Variants in EFL1 observed in about 807,000 individuals in gnomAD.
EFL1 encodes the protein elongation factor-like GTPase 1.
Under a neutral mutation model 126.7 loss-of-function variants are expected in EFL1, and 76 were observed. That is an observed-to-expected ratio of 0.60 (90% CI 0.50 to 0.73). The LOEUF is 0.73. Ranked by LOEUF, EFL1 falls within the 30% of genes least tolerant of loss-of-function variation. EFL1 has a pLI of 0.00. For synonymous variants in EFL1, 410 were observed against 448.4 expected, an observed-to-expected ratio of 0.91 and a Z score of 1.08; for missense variants, 1,128 against 1,343.2, an observed-to-expected ratio of 0.84 and a Z score of 2.50.
intron 18 of EFL1, among the ~76,000 whole-genome samples, chr15:82,150,460 C>A (rs935464739): frequency 2.0e-5 from 3 of 152,168 alleles, no homozygotes; most frequent in Non-Finnish European, 4.4e-5. Flanking sequence ...AATAAGAGAA[C>A]TACTGTGTGC....
chr15:82,152,597 C>G (rs1308595076), intron 17 of EFL1, among the ~76,000 whole-genome samples, 174 bp from the exon 18 acceptor site: 1 of 151,662 alleles, frequency 6.6e-6, no homozygotes, highest in South Asian at 2.1e-4. Flanking sequence ...TGCTTTCTTT[C>G]TGATTGAAAA....
chr15:82,155,781 T>C (rs1366191417), intron 17 of EFL1, among the ~76,000 whole-genome samples: 1 of 152,260 alleles, frequency 6.6e-6, no homozygotes, highest in East Asian at 1.9e-4. Flanking sequence ...CTAGTGGGTA[T>C]GCAGAAGTAT....
chr15:82,141,901 G>A (rs1258914260), intron 18 of EFL1, among the ~76,000 whole-genome samples: 2 of 152,156 alleles, frequency 1.3e-5, no homozygotes, highest in Non-Finnish European at 1.5e-5. Context: ...TAGTTAACAT[G>A]TAATTTTGAT....
intron 15 of EFL1, among the ~76,000 whole-genome samples, chr15:82,199,240 T>C (rs1310267429): frequency 6.6e-6 from 1 of 152,096 alleles, no homozygotes; most frequent in Admixed American, 6.5e-5. Flanking sequence ...AAAATGGAAC[T>C]AGATTAAAGG....
intron 3 of EFL1, among the ~76,000 whole-genome samples, chr15:82,256,222 T>C (rs1217723761): frequency 6.6e-6 from 1 of 152,186 alleles, no homozygotes; most frequent in Non-Finnish European, 1.5e-5. Context: ...GCAACTGTCC[T>C]GCCTAGCTTC....
chr15:82,214,492 T>A (rs995619085), intron 15 of EFL1, among the ~76,000 whole-genome samples: 1 of 152,224 alleles, frequency 6.6e-6, no homozygotes, highest in African/African-American at 2.4e-5. Flanking sequence ...GAGCATTTAC[T>A]AATTACTTAA....
At chr15:82,157,301 A>G (rs1043148687) in intron 17 of EFL1, among the ~76,000 whole-genome samples, 4 of 152,238 alleles carry the variant, frequency 2.6e-5, no homozygotes, top group African/African-American at 9.6e-5. Context: ...AATACATATC[A>G]TCTTTATAGA....
At chr15:82,241,007 G>GCA (rs2074925432) in intron 5 of EFL1, among the ~76,000 whole-genome samples, 1 of 152,204 alleles carries the variant, frequency 6.6e-6, no homozygotes, top group Admixed American at 6.5e-5. Flanking sequence ...CCAAGATCAT[G>GCA]CCACTGCACT....
chr15:82,141,398 G>A (rs1305649299), intron 18 of EFL1, among the ~76,000 whole-genome samples: 7 of 152,138 alleles, frequency 4.6e-5, no homozygotes, highest in Admixed American at 2.6e-4. Context: ...CCAGGAGAGC[G>A]GTGGCTCACG....
chr15:82,172,099 T>C (rs757901341), intron 15 of EFL1, among the ~76,000 whole-genome samples: 3 of 150,878 alleles, frequency 2.0e-5, no homozygotes, highest in Non-Finnish European at 4.4e-5. Context: ...AAAAAGAATC[T>C]CATTGATAAT....
In EFL1 at chr15:82,151,851, C is replaced by T. The variant is rs769884980; in HGVS notation, c.2603G>A (p.Ser868Asn). Reference protein sequence around the residue: ...EASRYRDLGNSIVSGFQLATL... With the variant: ...EASRYRDLGNNIVSGFQLATL... Reference sequence around the variant, plus strand: ...TGCTAGTTGGAAGCCACTCACAATGCTATTGCCCAAATCTCGGTATCTACT... The same window carrying T: ...TGCTAGTTGGAAGCCACTCACAATGTTATTGCCCAAATCTCGGTATCTACT... Residue 868 changes from serine (S) to asparagine (N), a missense_variant, in exon 18 of 20, where the codon AGC becomes AAC. Physicochemically the swap from Ser to Asn is conservative, Grantham distance 46. Coordinates refer to ENST00000268206, the MANE Select transcript of EFL1 (RefSeq NM_024580.6). 16 of 1,614,032 alleles carry T rather than the reference C, an allele frequency of 9.9e-6. No individual in the cohort carries two copies. Among genetic ancestry groups the T allele is most frequent in the African/African-American group, 1.3e-5 (1 of 74,920 alleles).
intron 9 of EFL1, 35 bp downstream of exon 9, chr15:82,228,999 T>C (rs1199742657): frequency 6.4e-7 from 1 of 1,553,062 alleles, no homozygotes. Context: ...TTATACTGCC[T>C]AAAGATGCCT....
Position 82,229,075 on chromosome 15 carries a change from G to A in EFL1, c.891C>T (p.Ile297=). Residue 297 remains isoleucine (I), a synonymous_variant, in exon 9 of 20, where the codon ATC becomes ATT. Transcript: ENST00000268206. ...KGKKPLFVQL[I]LENIWSLYDA... ...CATACAAACTCCATATATTTTCCAG[G>A]ATCAACTGTACAAATAAAGGTTTCT... 1 of 1,611,586 alleles carries A rather than the reference G, an allele frequency of 6.2e-7. No homozygotes were observed. Among genetic ancestry groups the A allele is most frequent in the Non-Finnish European group, 8.5e-7 (1 of 1,179,438 alleles).
chr15:82,236,043 A>AATTAAAATTAT (rs1399713022), intron 7 of EFL1, among the ~76,000 whole-genome samples: 4 of 152,210 alleles, frequency 2.6e-5, no homozygotes, highest in Admixed American at 6.5e-5. Context: ...GAATGTGCTA[A>AATTAAAATTAT]CACCAAAATT....
chr15:82,256,489 G>T (rs2075067638), intron 3 of EFL1, among the ~76,000 whole-genome samples: 1 of 151,990 alleles, frequency 6.6e-6, no homozygotes, highest in Non-Finnish European at 1.5e-5. Flanking sequence ...ACTGCAACTA[G>T]AACCTCCAGT....
intron 15 of EFL1, among the ~76,000 whole-genome samples, chr15:82,211,013 T>C (rs1198411385): frequency 6.6e-6 from 1 of 151,988 alleles, no homozygotes; most frequent in Admixed American, 6.6e-5. Flanking sequence ...AACAGGTAAC[T>C]GGAACACATA....
intron 7 of EFL1, among the ~76,000 whole-genome samples, chr15:82,235,360 T>G (rs1305445744): frequency 6.6e-6 from 1 of 152,172 alleles, no homozygotes; most frequent in African/African-American, 2.4e-5. Context: ...TATAAATATA[T>G]TTGTTCATCT....
At chr15:82,132,618 G>A (rs1468493013) in intron 19 of EFL1, among the ~76,000 whole-genome samples, 2 of 144,110 alleles carry the variant, frequency 1.4e-5, no homozygotes, top group Admixed American at 7.2e-5. Context: ...GGAGCGTCTC[G>A]AAGTGGGAGC....
chr15:82,194,176 C>T (rs557993741), intron 15 of EFL1, among the ~76,000 whole-genome samples: 1 of 152,316 alleles, frequency 6.6e-6, no homozygotes, highest in East Asian at 1.9e-4. Context: ...ACTGGATCTT[C>T]AGCCCAAGCA....
Sources: allele counts gnomAD v4.1 joint callset (sites outside exome capture counted in the v4.1 genomes callset), GRCh38; gene constraint gnomAD v4.1.1; transcripts MANE v1.5; gene names NCBI Gene and HGNC (gene_info 2026-07-23, HGNC 2026-07-21).